Variants in VSTM2B observed in about 807,000 individuals in gnomAD.
VSTM2B encodes the protein V-set and transmembrane domain containing 2B.
Under a neutral mutation model 24.0 loss-of-function variants are expected in VSTM2B, and 24 were observed. That is an observed-to-expected ratio of 1.00 (90% confidence interval 0.72 to 1.40). VSTM2B has a LOEUF of 1.40. VSTM2B is among the 40% of genes most tolerant of loss of function. The pLI is 0.00. For missense variants in VSTM2B, 399 were observed against 416.4 expected, an observed-to-expected ratio of 0.96 and a Z score of 0.36; for synonymous variants, 226 against 194.4, an observed-to-expected ratio of 1.16 and a Z score of -1.35.
At chr19:29,530,381 C>T (rs1969721478) in intron 4 of VSTM2B, 91 bp downstream of exon 4, 14 of 1,218,414 alleles carry the variant, frequency 1.1e-5, no homozygotes, top group Non-Finnish European at 1.5e-5. Flanking sequence ...GACCCAGGAC[C>T]CGCCCCCTGG....
chr19:29,560,460 A>G lies in VSTM2B; in HGVS notation c.770-3386A>G, dbSNP rs147144883. Among the ~76,000 whole-genome samples, 1,000 of 152,282 alleles carry G rather than the reference A, an allele frequency of 6.6e-3. 8 individuals are homozygous for G. Among genetic ancestry groups the G allele is most frequent in the African/African-American group, 0.023 (947 of 41,556 alleles). ...CATCTCTCCAGTGCCAGCCCACTGC[A>G]CCATCCCACTTCTCTTGGTTCCCTC... On this transcript the variant is annotated intron_variant, in intron 4 of 4. Transcript: ENST00000335523.
chr19:29,531,550 A>G (rs1969758127), intron 4 of VSTM2B, among the ~76,000 whole-genome samples: 1 of 152,162 alleles, frequency 6.6e-6, no homozygotes, highest in African/African-American at 2.4e-5. Flanking sequence ...TGCCTGGCAC[A>G]TCAGTTCAGT....
chr19:29,564,183 C>T lies in VSTM2B; in HGVS notation c.*249C>T. 1 of 415,334 alleles carries T rather than the reference C, an allele frequency of 2.4e-6. No homozygotes were observed. The highest frequency in any genetic ancestry group is 4.4e-6 in the Non-Finnish European group (1 of 228,132). The allele number at this position is 415,334 out of a possible 1,614,324, so 25.7% of individuals were successfully genotyped here. A position where few individuals can be genotyped will look rare whatever the true frequency, so the allele number is the denominator to read the frequency against. On this transcript the variant is annotated 3_prime_UTR_variant, in exon 5 of 5. Transcript: ENST00000335523. ...ATGGGAATCAATGATTTCTCTACTTCAATGTAGTTTTCTTTTCTACACTTT... is the reference window on the plus strand; with the variant it reads ...ATGGGAATCAATGATTTCTCTACTTTAATGTAGTTTTCTTTTCTACACTTT...
chr19:29,539,695 G>A (rs961856946), intron 4 of VSTM2B, among the ~76,000 whole-genome samples: 13 of 152,218 alleles, frequency 8.5e-5, no homozygotes, highest in East Asian at 1.9e-4. Context: ...TTCCCTTTCC[G>A]TGGCTCACTG....
At chr19:29,561,326 A>T (rs980662987) in intron 4 of VSTM2B, among the ~76,000 whole-genome samples, 1 of 126,178 alleles carries the variant, frequency 7.9e-6, no homozygotes, top group African/African-American at 4.2e-5. Context: ...AAATAAAAAT[A>T]AAAAAAATTT....
chr19:29,557,738 A>G (rs980784457), intron 4 of VSTM2B, among the ~76,000 whole-genome samples: 21 of 152,118 alleles, frequency 1.4e-4, no homozygotes, highest in African/African-American at 5.1e-4. Flanking sequence ...ACCCAAAACT[A>G]TAAAAACCCC....
At chr19:29,527,608 C>T (rs922153276) in intron 2 of VSTM2B, among the ~76,000 whole-genome samples, 3 of 152,252 alleles carry the variant, frequency 2.0e-5, no homozygotes, top group Non-Finnish European at 4.4e-5. Flanking sequence ...CTGTTCCCAC[C>T]ACCTCCCAGA....
intron 4 of VSTM2B, among the ~76,000 whole-genome samples, chr19:29,535,329 G>A (rs1969861368): frequency 6.6e-6 from 1 of 152,186 alleles, no homozygotes. Flanking sequence ...GGCCTCAAAA[G>A]AATCCAGTTT....
At chr19:29,528,192 A>G (rs1447053805) in intron 2 of VSTM2B, among the ~76,000 whole-genome samples, 1 of 152,160 alleles carries the variant, frequency 6.6e-6, no homozygotes, top group African/African-American at 2.4e-5. Context: ...TCCCCAGTTC[A>G]GCCGGCAGGT....
chr19:29,539,396 G>A (rs1317507045), intron 4 of VSTM2B, among the ~76,000 whole-genome samples: 1 of 152,134 alleles, frequency 6.6e-6, no homozygotes, highest in Non-Finnish European at 1.5e-5. Context: ...CTGGACAGCT[G>A]TGTCTCCAGG....
chr19:29,563,719 G>A (rs949887581), intron 4 of VSTM2B, 127 bp from the exon 5 acceptor site: 2 of 739,488 alleles, frequency 2.7e-6, no homozygotes, highest in African/African-American at 1.8e-5. Flanking sequence ...CTATGCACCA[G>A]CCTCCAGCTG....
At position 29,528,416 on chromosome 19, in the gene VSTM2B, C is replaced by A. The variant is rs1237357398; in HGVS notation, c.268-17C>A. ...GGCCGCGAGCCTCACGTCTCTCTCT[C>A]CCTCTTTGCATTTTAGGTAACAAAT... On this transcript the variant is annotated splice_polypyrimidine_tract_variant and intron_variant, in intron 2 of 4. Coordinates refer to ENST00000335523, the MANE Select transcript of VSTM2B (RefSeq NM_001146339.2). The A allele has an allele frequency of 2.6e-6, 4 of 1,551,242 alleles. No homozygotes were observed. In the Admixed American group the frequency reaches 7.8e-5, roughly 30 times the overall value.
intron 4 of VSTM2B, among the ~76,000 whole-genome samples, chr19:29,553,287 C>T (rs1970328214): frequency 1.3e-5 from 2 of 152,214 alleles, no homozygotes; most frequent in Non-Finnish European, 2.9e-5. Flanking sequence ...CTGATGACAC[C>T]TCCAGGTATG....
At chr19:29,546,568 G>T (rs559970437) in intron 4 of VSTM2B, among the ~76,000 whole-genome samples, 1 of 152,230 alleles carries the variant, frequency 6.6e-6, no homozygotes, top group Non-Finnish European at 1.5e-5. Flanking sequence ...CCTTTTTACA[G>T]CCCACAGGCT....
In VSTM2B at chr19:29,527,215, A is replaced by G; in HGVS notation, c.87A>G (p.Ala29=). 1 of 1,548,144 alleles carries G rather than the reference A, an allele frequency of 6.5e-7. No homozygotes were observed. Among genetic ancestry groups the G allele is most frequent in the South Asian group, 1.2e-5 (1 of 83,596 alleles). Residue 29 remains alanine (A), a synonymous_variant, in exon 2 of 5, where the codon GCA becomes GCG. Coordinates refer to ENST00000335523, the MANE Select transcript of VSTM2B (RefSeq NM_001146339.2). ...HALLLFVADA[A]FTEVPKDVTV... ...TCTCTCTCTCCCCACCCCCAGCTGC[A>G]TTCACAGAAGTCCCCAAAGATGTGA...
chr19:29,528,609 C>A, intron 3 of VSTM2B, 147 bp downstream of exon 3: 1 of 1,028,550 alleles, frequency 9.7e-7, no homozygotes, highest in Non-Finnish European at 1.4e-6. Flanking sequence ...GGTGGCTGCT[C>A]GGCGTGTCCG....
chr19:29,541,900 C>T (rs567733331), intron 4 of VSTM2B, among the ~76,000 whole-genome samples: 4 of 135,868 alleles, frequency 2.9e-5, no homozygotes, highest in Admixed American at 1.5e-4. Flanking sequence ...ACAAGGATGA[C>T]GAGTGGACGG....
At chr19:29,534,825 T>A (rs1485009936) in intron 4 of VSTM2B, among the ~76,000 whole-genome samples, 1 of 151,714 alleles carries the variant, frequency 6.6e-6, no homozygotes, top group Non-Finnish European at 1.5e-5. Context: ...CCCCAAATAG[T>A]CCCCCATTAA....
rs963816120 is a variant in VSTM2B, at chr19:29,552,072, T to C, written c.770-11774T>C. On this transcript the variant is annotated intron_variant, in intron 4 of 4. Coordinates refer to ENST00000335523, the MANE Select transcript of VSTM2B (RefSeq NM_001146339.2). Reference sequence around the variant, plus strand: ...GACAGTGTGATCCTGGGCAACATCCTTCACTTCTGTGGATCTTGTGTCACA... The same window carrying C: ...GACAGTGTGATCCTGGGCAACATCCCTCACTTCTGTGGATCTTGTGTCACA... 8.2e-4 allele frequency among the ~76,000 whole-genome samples: 125 copies of C among 152,276 alleles called. 1 individual carries two copies. Among genetic ancestry groups the C allele is most frequent in the African/African-American group, 2.8e-3 (115 of 41,564 alleles).
Sources: allele counts gnomAD v4.1 joint callset (sites outside exome capture counted in the v4.1 genomes callset), GRCh38; gene constraint gnomAD v4.1.1; transcripts MANE v1.5; gene names NCBI Gene and HGNC (gene_info 2026-07-23, HGNC 2026-07-21).